The following NUP210 variants were observed in gnomAD, a reference collection of about 807,000 sequenced individuals.
NUP210 encodes the protein nuclear pore membrane glycoprotein 210.
A neutral mutation model predicts 196.0 loss-of-function variants in NUP210; 151 were observed. The observed-to-expected ratio is 0.77, with a 90% confidence interval of 0.67 to 0.88. The LOEUF is 0.88. NUP210 is among the 40% of genes least tolerant of loss of function. The probability of loss-of-function intolerance (pLI) is 0.00; values close to 1 mark genes in which losing one functional copy is unlikely to be tolerated. For synonymous variants in NUP210, 1,070 were observed against 1,052.7 expected (o/e 1.02, Z -0.32); for missense variants, 2,314 against 2,493.7 (o/e 0.93, Z 1.53).
At chr3:13,393,883 C>T (rs1460146433) in intron 3 of NUP210, among the ~76,000 whole-genome samples, 4 of 152,206 alleles carry the variant, frequency 2.6e-5, no homozygotes, top group African/African-American at 9.6e-5. Context: ...CCTCCCCTGT[C>T]CTGCAGGACA....
chr3:13,384,473 A>C (rs1208359196), intron 6 of NUP210, among the ~76,000 whole-genome samples: 1 of 152,184 alleles, frequency 6.6e-6, no homozygotes, highest in Non-Finnish European at 1.5e-5. Flanking sequence ...CAGGTACACA[A>C]CTGTAGTCCC....
At chr3:13,384,967 C>T (rs1576406251) in intron 6 of NUP210, among the ~76,000 whole-genome samples, 1 of 152,196 alleles carries the variant, frequency 6.6e-6, no homozygotes, top group Non-Finnish European at 1.5e-5. Flanking sequence ...CTACTGCAGG[C>T]CATCCTCCTG....
At chr3:13,352,480 G>T (rs1018492076) in intron 18 of NUP210, among the ~76,000 whole-genome samples, 1 of 152,226 alleles carries the variant, frequency 6.6e-6, no homozygotes, top group African/African-American at 2.4e-5. Flanking sequence ...CACACGCCCT[G>T]CCTTGCAGGA....
chr3:13,351,750 G>A, intron 20 of NUP210, 129 bp downstream of exon 20: 2 of 655,762 alleles, frequency 3.0e-6, no homozygotes, highest in Admixed American at 2.5e-5. Flanking sequence ...TTCCTGCCTT[G>A]ACCTCCCAAA....
At position 13,347,261 on chromosome 3, in the gene NUP210, C is replaced by G. The variant is rs1349465674; in HGVS notation, c.2836-3958G>C. The G allele has an allele frequency of 1.0e-6, 1 of 985,192 alleles. No homozygotes were observed. Among genetic ancestry groups the G allele is most frequent in the Non-Finnish European group, 1.2e-6 (1 of 829,830 alleles). The allele number at this position is 985,192 out of a possible 1,614,324, so 61.0% of individuals were successfully genotyped here. A position where few individuals can be genotyped will look rare whatever the true frequency, so the allele number is the denominator to read the frequency against. On this transcript the variant is annotated intron_variant, in intron 20 of 39. Transcript: ENST00000254508. This position sits in a 1 kb window ranked among gnomAD's most constrained non-coding sequence, Gnocchi z 4.7. ...GCAGTGCTTAACACAGCACCTGGCA[C>G]ACGATAAGCACTCCAGCGTCTCTGA...
chr3:13,339,920 G>T lies in NUP210; in HGVS notation c.3405C>A (p.Asn1135Lys), dbSNP rs549510435. 3.1e-6 allele frequency: 5 copies of T among 1,613,912 alleles called. No homozygotes were observed. In the East Asian group the frequency reaches 6.7e-5, roughly 22 times the overall value. ...CCTGCACGAGCCCAGACACAGTGCC[G>T]TTCCCGATGGCGAGGCCCTGTACCA... Reference protein sequence around the residue: ...AGLVQGLAIGNGTVSGLVQAV... With the variant: ...AGLVQGLAIGKGTVSGLVQAV... The change falls in exon 25 of 40, where the codon AAC (asparagine) becomes AAA (lysine). Residue 1135 changes from asparagine to lysine, a missense_variant. By Grantham distance (94) the Asn-to-Lys change is moderately conservative. Transcript: ENST00000254508.
At position 13,391,241 on chromosome 3, in the gene NUP210, T is replaced by C; in HGVS notation, c.503A>G (p.Asp168Gly). The change falls in exon 4 of 40, where the codon GAC becomes GGC. Residue 168 changes from aspartate (D) to glycine (G), a missense_variant. Asp to Gly is a moderately conservative substitution (Grantham distance 94). Transcript: ENST00000254508. ...CGCATTGTGGGAGTCTGAGAACCTG[T>C]CCGCCTCGGAGTCCTTCACAATCGT... Reference protein sequence around the residue: ...EWTIVKDSEADRFSDSHNALR... With the variant: ...EWTIVKDSEAGRFSDSHNALR... 6.2e-7 allele frequency: 1 copy of C among 1,612,550 alleles called. No homozygotes were observed. Among genetic ancestry groups the C allele is most frequent in the Non-Finnish European group, 8.5e-7 (1 of 1,179,450 alleles).
chr3:13,355,647 G>A (rs1321314712), intron 16 of NUP210, among the ~76,000 whole-genome samples: 1 of 152,200 alleles, frequency 6.6e-6, no homozygotes, highest in Non-Finnish European at 1.5e-5. Context: ...CTTGCCCCAA[G>A]AGAACACTTG....
At chr3:13,392,782 C>T (rs185767729) in intron 3 of NUP210, among the ~76,000 whole-genome samples, 28 of 152,296 alleles carry the variant, frequency 1.8e-4, no homozygotes, top group Admixed American at 6.5e-4. Flanking sequence ...TTCCACTGTC[C>T]GGGGGCAGAG....
In NUP210 at chr3:13,373,891, T is replaced by C; in HGVS notation, c.1432-18A>G. The C allele has an allele frequency of 6.2e-7, 1 of 1,611,244 alleles. No homozygotes were observed. The highest frequency in any genetic ancestry group is 8.5e-7 in the Non-Finnish European group (1 of 1,178,696). ...CCGTGGGCCTGCGGAGGAAAAGCCA[T>C]CACAGGACCAGCCACCCACCCTTAG... On this transcript the variant is annotated intron_variant, in intron 11 of 39. Coordinates refer to ENST00000254508, the MANE Select transcript of NUP210 (RefSeq NM_024923.4).
At chr3:13,367,794 A>G (rs914369189) in intron 13 of NUP210, among the ~76,000 whole-genome samples, 2 of 152,236 alleles carry the variant, frequency 1.3e-5, no homozygotes, top group Non-Finnish European at 2.9e-5. Flanking sequence ...AATATAGAGC[A>G]ATAGACTGAC....
intron 36 of NUP210, among the ~76,000 whole-genome samples, chr3:13,320,926 A>G (rs1696500468): frequency 6.6e-6 from 1 of 150,664 alleles, no homozygotes; most frequent in Non-Finnish European, 1.5e-5. Flanking sequence ...AACATGAAGT[A>G]TCACCAAGCA....
intron 25 of NUP210, 59 bp downstream of exon 25, chr3:13,339,795 C>CAGA: frequency 6.8e-7 from 1 of 1,474,520 alleles, no homozygotes; most frequent in Non-Finnish European, 9.4e-7. Context: ...AACTCAAACA[C>CAGA]AGTAAAGAGG....
At chr3:13,387,458 C>T (rs532244722) in intron 5 of NUP210, among the ~76,000 whole-genome samples, 5 of 152,248 alleles carry the variant, frequency 3.3e-5, no homozygotes, top group African/African-American at 4.8e-5. Context: ...TAAGTACTAC[C>T]TGCAGAGTCC....
chr3:13,417,471 C>T (rs970866635), intron 1 of NUP210, among the ~76,000 whole-genome samples: 7 of 152,178 alleles, frequency 4.6e-5, no homozygotes, highest in Non-Finnish European at 8.8e-5. Flanking sequence ...TCTTTTTCGT[C>T]TGAGAGACTT....
In NUP210 at chr3:13,385,096, C is replaced by T. The variant is rs116613406; in HGVS notation, c.817+1179G>A. 7.7e-3 allele frequency among the ~76,000 whole-genome samples: 1,174 copies of T among 152,306 alleles called. 17 individuals carry two copies. The highest frequency in any genetic ancestry group is 0.026 in the African/African-American group (1,085 of 41,556). On this transcript the variant is annotated intron_variant, in intron 6 of 39. Transcript: ENST00000254508. Reference sequence around the variant, plus strand: ...AGAACTGGGCCCAAAGGCAGGAGCGCCTGTCTTCAGTTTTTTTGTCCTCCT... The same window carrying T: ...AGAACTGGGCCCAAAGGCAGGAGCGTCTGTCTTCAGTTTTTTTGTCCTCCT...
At chr3:13,408,802 A>AAG (rs1700074801) in intron 1 of NUP210, among the ~76,000 whole-genome samples, 1 of 151,920 alleles carries the variant, frequency 6.6e-6, no homozygotes, top group African/African-American at 2.4e-5. Context: ...AAAAAAAAAA[A>AAG]AAAGGTTTTT....
chr3:13,371,725 C>A, intron 13 of NUP210, 109 bp downstream of exon 13: 1 of 989,306 alleles, frequency 1.0e-6, no homozygotes, highest in Non-Finnish European at 1.5e-6. Context: ...GTTGCAGCCC[C>A]TCTGCTGCCT....
At chr3:13,404,996 C>T (rs566055758) in intron 1 of NUP210, among the ~76,000 whole-genome samples, 4 of 151,936 alleles carry the variant, frequency 2.6e-5, no homozygotes, top group East Asian at 1.9e-4. Flanking sequence ...AGGAACAGTT[C>T]GTTTCTGGAG....
Sources: allele counts gnomAD v4.1 joint callset (sites outside exome capture counted in the v4.1 genomes callset), GRCh38; gene constraint gnomAD v4.1.1; non-coding constraint Gnocchi (gnomAD v3.1); transcripts MANE v1.5; gene names NCBI Gene and HGNC (gene_info 2026-07-23, HGNC 2026-07-21).